TSPOAP1: variants seen among roughly 807,000 people sequenced by gnomAD.
TSPOAP1 encodes peripheral-type benzodiazepine receptor-associated protein 1.
A neutral mutation model predicts 197.0 loss-of-function variants in TSPOAP1; 87 were observed. The observed-to-expected ratio is 0.44, with a 90% CI of 0.37 to 0.53. TSPOAP1 has a LOEUF of 0.53. TSPOAP1 is among the 20% of genes least tolerant of loss of function. The probability of loss-of-function intolerance (pLI) is 0.00; values close to 1 mark genes in which losing one functional copy is unlikely to be tolerated. For missense variants in TSPOAP1, 2,174 were observed against 2,411.3 expected (o/e 0.90, Z 2.06); for synonymous variants, 913 against 998.9 (o/e 0.91, Z 1.62).
At position 58,316,579 on chromosome 17, in the gene TSPOAP1, C is replaced by T. The variant is rs763079414; in HGVS notation, c.1873-39G>A. The T allele has an allele frequency of 8.4e-6, 13 of 1,543,378 alleles. No individual in the cohort carries two copies. In the South Asian group the frequency reaches 1.4e-4, roughly 17 times the overall value. On this transcript the variant is annotated intron_variant, in intron 14 of 31. Coordinates refer to ENST00000343736, the MANE Select transcript of TSPOAP1 (RefSeq NM_004758.4). ...GAAAGGGCTGGTTTCTCTTCAGGGC[C>T]TGGGGCCAAGCGCCAAGCAGGCAGG... is the stretch of plus-strand genomic sequence containing the variant.
At chr17:58,307,013 A>G (rs11652816) in intron 24 of TSPOAP1, 45 bp from the exon 25 acceptor site, 464,818 of 1,584,800 alleles carry the variant, frequency 0.29, 68,805 homozygotes, top group African/African-American at 0.31. Flanking sequence ...CTCACTCCCT[A>G]TGCCCCTAGG....
At position 58,326,256 on chromosome 17, in the gene TSPOAP1, G is replaced by T. The variant is rs1266508869; in HGVS notation, c.570+37C>A. The T allele has an allele frequency of 6.2e-7, 1 of 1,610,676 alleles. No homozygotes were observed. ...CCAGCCCTGGCTCCCCTCTTCCTTG[G>T]TCACCCAGCCTCCGCCCAGCAGCCT... On this transcript the variant is annotated intron_variant, in intron 3 of 31. Transcript: ENST00000343736. This position sits in a 1 kb window ranked among gnomAD's most constrained non-coding sequence, Gnocchi z 4.7.
chr17:58,316,305 T>C, intron 15 of TSPOAP1, 120 bp downstream of exon 15: 2 of 1,101,022 alleles, frequency 1.8e-6, no homozygotes, highest in South Asian at 1.4e-5. Context: ...GTTATTAGAA[T>C]AGGTCCATTG....
intron 10 of TSPOAP1, chr17:58,321,931 A>C: frequency 4.8e-6 from 1 of 210,122 alleles, no homozygotes; most frequent in Non-Finnish European, 9.5e-6. Context: ...CCCTTGCTGT[A>C]TTCTAGCCAC....
chr17:58,308,974 C>A lies in TSPOAP1; in HGVS notation c.4298G>T (p.Ser1433Ile). 6 of 1,610,052 alleles carry A rather than the reference C, an allele frequency of 3.7e-6. No individual in the cohort carries two copies. The highest frequency in any genetic ancestry group is 3.3e-5 in the South Asian group (3 of 90,888). The change falls in exon 22 of 32, where the codon AGC (serine) becomes ATC (isoleucine). Residue 1433 changes from serine to isoleucine, a missense_variant. Ser to Ile is a moderately radical substitution (Grantham distance 142). Around this residue, in one of 5 missense-constraint regions of TSPOAP1, gnomAD observed 1,933 missense variants for 2,139.0 expected, o/e 0.90. Transcript: ENST00000343736. ...TCCAGAGGCCTGGGGCCCATTGTTG[C>A]TGAGAAGTCGGCTGCAGTGTTCTCG... ...DPREHCSRLL[S>I]NNGPQASGRL...
rs1971444404 is a variant in TSPOAP1, at chr17:58,322,859, C to T, written c.1195-83G>A. On this transcript the variant is annotated intron_variant, in intron 8 of 31. Transcript: ENST00000343736. This position sits in a 1 kb window ranked among gnomAD's most constrained non-coding sequence, Gnocchi z 5.0. ...TCACAGGGGGAACAGTACCCTACCC[C>T]TGCTCAGGGGTGGAGGAGAAAGCCC... is the stretch of plus-strand genomic sequence containing the variant. 1 of 1,604,552 alleles carries T rather than the reference C, an allele frequency of 6.2e-7. No homozygotes were observed. The highest frequency in any genetic ancestry group is 1.1e-5 in the South Asian group (1 of 90,238).
Position 58,307,654 on chromosome 17 carries a change from G to T in TSPOAP1, c.4940C>A (p.Ala1647Asp). 6.2e-7 allele frequency: 1 copy of T among 1,614,114 alleles called. No individual in the cohort carries two copies. The highest frequency in any genetic ancestry group is 8.5e-7 in the Non-Finnish European group (1 of 1,180,034). ...DPVSMSPNPD[A>D]GEEELPFREG... Reference sequence around the variant, plus strand: ...TCGGAAGGGAAGCTCTTCTTCTCCAGCATCAGGATTGGGCGACATTGACAC... The same window carrying T: ...TCGGAAGGGAAGCTCTTCTTCTCCATCATCAGGATTGGGCGACATTGACAC... The change falls in exon 24 of 32, where the codon GCT becomes GAT. Residue 1647 changes from alanine to aspartate, a missense_variant. By Grantham distance (126) the Ala-to-Asp change is moderately radical. Transcript: ENST00000343736.
At chr17:58,325,272 C>T (rs1971546200) in intron 4 of TSPOAP1, among the ~76,000 whole-genome samples, 1 of 152,194 alleles carries the variant, frequency 6.6e-6, no homozygotes, top group Admixed American at 6.5e-5. Context: ...CATCCCTTCA[C>T]ACAGGGGATG....
In TSPOAP1 at chr17:58,323,564, A is replaced by G; in HGVS notation, c.943-19T>C. ...GCGTGGCCTGGAAATGCCCAGGGGC[A>G]AGGGGCTGGCACCTGAGAACAGGGC... On this transcript the variant is annotated intron_variant, in intron 5 of 31. Coordinates refer to ENST00000343736, the MANE Select transcript of TSPOAP1 (RefSeq NM_004758.4). 1 of 1,611,634 alleles carries G rather than the reference A, an allele frequency of 6.2e-7. No individual in the cohort carries two copies.
chr17:58,304,344 C>T lies in TSPOAP1; in HGVS notation c.*26G>A. 2 of 1,613,356 alleles carry T rather than the reference C, an allele frequency of 1.2e-6. No homozygotes were observed. Among genetic ancestry groups the T allele is most frequent in the Non-Finnish European group, 8.5e-7 (1 of 1,179,348 alleles). On this transcript the variant is annotated 3_prime_UTR_variant, in exon 31 of 32. Transcript: ENST00000343736. This position sits in a 1 kb window ranked among gnomAD's most constrained non-coding sequence, Gnocchi z 4.2. The stretch of plus-strand genomic sequence containing the variant: ...GGGGCAGTCCCCCACTTACATGTTG[C>T]TCTCTCTACATATATCTATCTCCAT...
At chr17:58,310,196 G>C in intron 20 of TSPOAP1, 38 bp from the exon 21 acceptor site, 1 of 1,587,704 alleles carries the variant, frequency 6.3e-7, no homozygotes, top group Non-Finnish European at 8.6e-7. Context: ...GATAAGGACA[G>C]TGAGGGGGCA....
chr17:58,326,627 T>C lies in TSPOAP1; in HGVS notation c.441+56A>G. ...GATGTTCATGGGGTGAGGAGGGCAC[T>C]GAGGCAGAGGGCCTGGCTCCAGCCA... On this transcript the variant is annotated intron_variant, in intron 2 of 31. Coordinates refer to ENST00000343736, the MANE Select transcript of TSPOAP1 (RefSeq NM_004758.4). The surrounding 1 kb of genome is among the most constrained non-coding windows in gnomAD (Gnocchi z 4.7). The C allele has an allele frequency of 1.3e-6, 2 of 1,586,386 alleles. No individual in the cohort carries two copies. Among genetic ancestry groups the C allele is most frequent in the Non-Finnish European group, 1.7e-6 (2 of 1,156,126 alleles).
At position 58,322,444 on chromosome 17, in the gene TSPOAP1, C is replaced by T. The variant is rs372334831; in HGVS notation, c.1318-32G>A. The T allele has an allele frequency of 6.3e-7, 1 of 1,599,266 alleles. No homozygotes were observed. ...CACAAGATCTGAGTCAAGGCCAGAG[C>T]CCCTACTTGGCCATTTCTAGAGAAG... On this transcript the variant is annotated intron_variant, in intron 9 of 31. Transcript: ENST00000343736. This position sits in a 1 kb window ranked among gnomAD's most constrained non-coding sequence, Gnocchi z 5.0.
chr17:58,314,079 G>A (rs187093105), intron 16 of TSPOAP1, among the ~76,000 whole-genome samples: 1 of 152,172 alleles, frequency 6.6e-6, no homozygotes, highest in Non-Finnish European at 1.5e-5. Flanking sequence ...GGAAGGGGGA[G>A]CACGAGCCAG....
Position 58,311,078 on chromosome 17 carries a change from G to C in TSPOAP1, c.3217C>G (p.Pro1073Ala). The C allele has an allele frequency of 1.3e-6, 2 of 1,580,450 alleles. No homozygotes were observed. The highest frequency in any genetic ancestry group is 2.3e-5 in the South Asian group (2 of 87,492). The change falls in exon 19 of 32, where the codon CCT (proline) becomes GCT (alanine). Residue 1073 changes from proline (P) to alanine (A), a missense_variant. By Grantham distance (27) the Pro-to-Ala change is conservative. This residue lies in a region of TSPOAP1 where 1,933 missense variants were observed against 2,139.0 expected (regional missense o/e 0.90). Transcript: ENST00000343736. ...HGESADSIPA[P>A]ITPALAPASL... Reference sequence around the variant, plus strand: ...GCCGGAGCCAGGGCGGGAGTGATAGGAGCCGGGATGGAGTCCGCCGACTCC... The same window carrying C: ...GCCGGAGCCAGGGCGGGAGTGATAGCAGCCGGGATGGAGTCCGCCGACTCC...
At position 58,325,826 on chromosome 17, in the gene TSPOAP1, T is replaced by C. The variant is rs555183549; in HGVS notation, c.571-113A>G. 3.5e-4 allele frequency: 402 copies of C among 1,151,698 alleles called. No homozygotes were observed. In the African/African-American group the frequency reaches 5.5e-3, roughly 16 times the overall value. The allele number at this position is 1,151,698 out of a possible 1,614,324, so 71.3% of individuals were successfully genotyped here. The stretch of plus-strand genomic sequence containing the variant: ...ATGAAAACCTAGGGGGGTAGCCACC[T>C]GCTTCCACCTTGACTGGGGTCTCAG... On this transcript the variant is annotated intron_variant, in intron 3 of 31. Transcript: ENST00000343736.
In TSPOAP1 at chr17:58,311,041, G is replaced by T; in HGVS notation, c.3254C>A (p.Ala1085Asp). The change falls in exon 19 of 32, where the codon GCC becomes GAC. Residue 1085 changes from alanine to aspartate, a missense_variant. By Grantham distance (126) the Ala-to-Asp change is moderately radical. Coordinates refer to ENST00000343736, the MANE Select transcript of TSPOAP1 (RefSeq NM_004758.4). The part of the protein sequence containing the change: ...TPALAPASLP[A>D]RVSCPSPHPS... Reference sequence around the variant, plus strand: ...GTGCGGTGAGGGGCAGGAGACTCGGGCTGGCAGGCTGGCCGGAGCCAGGGC... The same window carrying T: ...GTGCGGTGAGGGGCAGGAGACTCGGTCTGGCAGGCTGGCCGGAGCCAGGGC... 6.3e-7 allele frequency: 1 copy of T among 1,583,340 alleles called. No individual in the cohort carries two copies. The highest frequency in any genetic ancestry group is 8.6e-7 in the Non-Finnish European group (1 of 1,164,908).
chr17:58,306,751 T>C, intron 25 of TSPOAP1, 49 bp downstream of exon 25: 1 of 1,573,276 alleles, frequency 6.4e-7, no homozygotes, highest in South Asian at 1.2e-5. Context: ...TCAGGTGGAG[T>C]TGGAAGGGGG....
At position 58,304,767 on chromosome 17, in the gene TSPOAP1, G is replaced by A. The variant is rs1182354728; in HGVS notation, c.5544+294C>T. The A allele has an allele frequency of 3.4e-6, 2 of 589,528 alleles. No homozygotes were observed. Among genetic ancestry groups the A allele is most frequent in the East Asian group, 5.9e-5 (2 of 34,128 alleles). 36.5% of individuals were successfully genotyped at this position (589,528 alleles called of 1,614,324 possible). A position where few individuals can be genotyped will look rare whatever the true frequency, so the allele number is the denominator to read the frequency against. ...TTGGCCACAGGTGTGAGGCAGAGGGGTCCTTTTCCACAGGGCCCCCTCACC... is the reference window on the plus strand; with the variant it reads ...TTGGCCACAGGTGTGAGGCAGAGGGATCCTTTTCCACAGGGCCCCCTCACC... On this transcript the variant is annotated intron_variant, in intron 30 of 31. Coordinates refer to ENST00000343736, the MANE Select transcript of TSPOAP1 (RefSeq NM_004758.4). The surrounding 1 kb of genome is among the most constrained non-coding windows in gnomAD (Gnocchi z 4.2).
Sources: gnomAD v4.1 joint callset for allele counts (sites outside exome capture counted in the v4.1 genomes callset) on GRCh38, gnomAD v4.1.1 for gene constraint, gnomAD v4.1.1 regional missense constraint, Gnocchi (gnomAD v3.1) non-coding constraint, MANE v1.5 for transcripts, NCBI Gene and HGNC (gene_info 2026-07-23, HGNC 2026-07-21) for gene names.